Variants in GPM6A observed in about 807,000 individuals in gnomAD.
GPM6A encodes the protein neuronal membrane glycoprotein M6-a.
In GPM6A, 7 loss-of-function variants were observed where a neutral mutation model predicts 32.1. That is an observed-to-expected ratio of 0.22 (90% CI 0.12 to 0.41). GPM6A has a LOEUF of 0.41. Ranked by LOEUF, GPM6A falls within the 10% of genes least tolerant of loss-of-function variation. The pLI is 1.00. For missense variants in GPM6A, 235 were observed against 347.2 expected (o/e 0.68, Z 2.57); for synonymous variants, 130 against 123.4 (o/e 1.05, Z -0.35).
At chr4:175,798,956 A>G (rs763967500) in intron 1 of GPM6A, among the ~76,000 whole-genome samples, 4 of 152,226 alleles carry the variant, frequency 2.6e-5, no homozygotes, top group African/African-American at 9.6e-5. Context: ...ATGAAAGCAA[A>G]AGGAAGGCAA....
chr4:175,688,795 T>C (rs1744133684), intron 2 of GPM6A, among the ~76,000 whole-genome samples: 1 of 152,184 alleles, frequency 6.6e-6, no homozygotes, highest in African/African-American at 2.4e-5. Flanking sequence ...AATAAATACA[T>C]ACATACATAT....
chr4:175,758,674 T>G (rs2111204010), intron 1 of GPM6A, among the ~76,000 whole-genome samples: 1 of 152,300 alleles, frequency 6.6e-6, no homozygotes, highest in African/African-American at 2.4e-5. Flanking sequence ...AGAATGTTTT[T>G]CCAAGATTGT....
rs114994091 is a variant in GPM6A, at chr4:175,757,810, G to T, written c.37+54381C>A. Among the ~76,000 whole-genome samples the T allele has an allele frequency of 7.8e-3, 1,192 of 152,224 alleles. 18 individuals carry two copies. Among genetic ancestry groups the T allele is most frequent in the African/African-American group, 0.027 (1,120 of 41,524 alleles). ...GCCCTGTATCCAAGAAGGAAGAAGGGTAACACTTGGTTGACTGAACAAAGA... is the reference window on the plus strand; with the variant it reads ...GCCCTGTATCCAAGAAGGAAGAAGGTTAACACTTGGTTGACTGAACAAAGA... On this transcript the variant is annotated intron_variant, in intron 1 of 6. Coordinates refer to ENST00000393658, the MANE Select transcript of GPM6A (RefSeq NM_201591.3).
intron 1 of GPM6A, among the ~76,000 whole-genome samples, chr4:175,768,809 A>G (rs1417325825): frequency 6.6e-6 from 1 of 151,936 alleles, no homozygotes; most frequent in Non-Finnish European, 1.5e-5. Context: ...ATAAGGTACT[A>G]TCCTGGCCGG....
chr4:175,811,661 C>T (rs949801084), intron 1 of GPM6A, among the ~76,000 whole-genome samples: 1 of 152,096 alleles, frequency 6.6e-6, no homozygotes, highest in African/African-American at 2.4e-5. Context: ...TGAACTTTTG[C>T]TCCATCTGCT....
intron 1 of GPM6A, among the ~76,000 whole-genome samples, chr4:175,852,338 A>G (rs1736284495): frequency 6.6e-6 from 1 of 152,204 alleles, no homozygotes; most frequent in Non-Finnish European, 1.5e-5. Flanking sequence ...GAGAAAATGA[A>G]CTGATAAGAA....
chr4:175,869,856 A>C (rs376042518), intron 1 of GPM6A, among the ~76,000 whole-genome samples: 2 of 152,340 alleles, frequency 1.3e-5, no homozygotes, highest in East Asian at 3.9e-4. Flanking sequence ...TAGACCTTTT[A>C]CTTTTAATCT....
chr4:175,903,389 A>C (rs1198682892), intron 1 of GPM6A, among the ~76,000 whole-genome samples: 1 of 152,194 alleles, frequency 6.6e-6, no homozygotes, highest in African/African-American at 2.4e-5. Context: ...ATGAAGTAAG[A>C]AAATATCATT....
intron 2 of GPM6A, among the ~76,000 whole-genome samples, chr4:175,677,752 C>T (rs1462694083): frequency 6.6e-6 from 1 of 151,858 alleles, no homozygotes; most frequent in Non-Finnish European, 1.5e-5. Flanking sequence ...ATAATATCTG[C>T]TAAATAAATA....
At chr4:175,838,918 C>A (rs1282167547) in intron 1 of GPM6A, among the ~76,000 whole-genome samples, 1 of 152,034 alleles carries the variant, frequency 6.6e-6, no homozygotes, top group Admixed American at 6.6e-5. Flanking sequence ...CCCACCTCAG[C>A]CTCCCAAAGT....
Position 175,709,414 on chromosome 4 carries a change from G to C in GPM6A, c.38-7647C>G, listed in dbSNP as rs1745402927. The stretch of plus-strand genomic sequence containing the variant: ...AAGAGCATTGGCCAGGACAACCTAT[G>C]TTTTACACTCTTTGTTTGCTATTAA... On this transcript the variant is annotated intron_variant, in intron 1 of 6. Coordinates refer to ENST00000393658, the MANE Select transcript of GPM6A (RefSeq NM_201591.3). Among the ~76,000 whole-genome samples, 3 of 150,782 alleles carry C rather than the reference G, an allele frequency of 2.0e-5. No individual in the cohort carries two copies. In the South Asian group the frequency reaches 6.4e-4, roughly 32 times the overall value.
At chr4:175,690,202 G>A (rs566688624) in intron 2 of GPM6A, among the ~76,000 whole-genome samples, 12 of 152,294 alleles carry the variant, frequency 7.9e-5, no homozygotes, top group Admixed American at 5.2e-4. Context: ...TTCATATTTC[G>A]TTCAATTGAA....
At chr4:175,776,677 C>T (rs374766880) in intron 1 of GPM6A, among the ~76,000 whole-genome samples, 5 of 152,198 alleles carry the variant, frequency 3.3e-5, no homozygotes, top group East Asian at 3.9e-4. Flanking sequence ...TTTTTCCTAG[C>T]GACGTTTTAA....
At chr4:175,911,265 C>T (rs144396859) in intron 1 of GPM6A, among the ~76,000 whole-genome samples, 48 of 152,092 alleles carry the variant, frequency 3.2e-4, no homozygotes, top group African/African-American at 1.0e-3. Context: ...GAAGGGGTGA[C>T]GAGAATGAGA....
At chr4:175,693,587 T>G (rs1217600094) in intron 2 of GPM6A, among the ~76,000 whole-genome samples, 2 of 152,036 alleles carry the variant, frequency 1.3e-5, no homozygotes, top group African/African-American at 4.8e-5. Flanking sequence ...TTTGAAAAGA[T>G]TTTTGGAAAG....
At chr4:175,748,395 G>C (rs552898783) in intron 1 of GPM6A, among the ~76,000 whole-genome samples, 3 of 152,142 alleles carry the variant, frequency 2.0e-5, no homozygotes, top group African/African-American at 7.2e-5. Context: ...CTTGATCCAC[G>C]GGTTTCAAAG....
intron 1 of GPM6A, among the ~76,000 whole-genome samples, chr4:175,928,067 C>G (rs1289479145): frequency 6.6e-6 from 1 of 152,034 alleles, no homozygotes; most frequent in African/African-American, 2.4e-5. Context: ...CGTGAAACTG[C>G]AGTGGTTTCT....
rs72702684 is a variant in GPM6A at position 175,837,955 on chromosome 4, T to G, written c.-22-25706A>C. Among the ~76,000 whole-genome samples, 696 of 152,154 alleles carry G rather than the reference T, an allele frequency of 4.6e-3. 3 individuals are homozygous for G. Among genetic ancestry groups the G allele is most frequent in the South Asian group, 0.02 (95 of 4,820 alleles). On this transcript the variant is annotated intron_variant, in intron 1 of 7. Coordinates refer to the GPM6A transcript ENST00000280187. ...GACCAAAACACAATAATGGTACAAC[T>G]TTTGAATAAAATCTGCTTTTAACAA...
chr4:175,980,334 G>A (rs1044857330), intron 1 of GPM6A, among the ~76,000 whole-genome samples: 7 of 152,174 alleles, frequency 4.6e-5, no homozygotes, highest in African/African-American at 1.7e-4. Flanking sequence ...TCCACCCTGG[G>A]CAACAGAGTG....
Sources: gnomAD v4.1 joint callset for allele counts (sites outside exome capture counted in the v4.1 genomes callset) on GRCh38, gnomAD v4.1.1 for gene constraint, MANE v1.5 for transcripts, NCBI Gene and HGNC (gene_info 2026-07-23, HGNC 2026-07-21) for gene names.